The following AP3B1 variants were observed in gnomAD, a reference collection of about 807,000 sequenced individuals.
The protein encoded by AP3B1 is AP-3 complex subunit beta-1.
In AP3B1, 61 loss-of-function variants were observed where a neutral mutation model predicts 132.5. The ratio of observed to expected loss-of-function variants is 0.46; its 90% CI spans 0.37 to 0.57. AP3B1 has a LOEUF of 0.57. Ranked by LOEUF, AP3B1 falls within the 20% of genes least tolerant of loss-of-function variation. AP3B1 has a pLI of 0.00. For synonymous variants in AP3B1, 388 were observed against 438.3 expected (o/e 0.89, Z 1.43); for missense variants, 1,120 against 1,289.4 (o/e 0.87, Z 2.01).
chr5:78,038,903 A>G (rs1747922604), intron 23 of AP3B1, 140 bp downstream of exon 23: 1 of 627,814 alleles, frequency 1.6e-6, no homozygotes, highest in African/African-American at 1.8e-5. Flanking sequence ...GAAAAAGCAA[A>G]TATAAACTGA....
At chr5:78,142,097 T>A (rs1383789001) in intron 14 of AP3B1, among the ~76,000 whole-genome samples, 1 of 152,224 alleles carries the variant, frequency 6.6e-6, no homozygotes, top group African/African-American at 2.4e-5. Context: ...TGAATCCCAG[T>A]CTATTATTTG....
At chr5:78,260,951 C>A (rs1748064732) in intron 2 of AP3B1, among the ~76,000 whole-genome samples, 1 of 152,184 alleles carries the variant, frequency 6.6e-6, no homozygotes, top group Non-Finnish European at 1.5e-5. Context: ...GAATTCCATT[C>A]CTTCTTAAAG....
rs368425320 is a variant in AP3B1 at position 78,149,928 on chromosome 5, CTT to C, written c.1473+6328_1473+6329del. Among the ~76,000 whole-genome samples the C allele has an allele frequency of 3.9e-3, 558 of 143,954 alleles. 4 individuals carry two copies. The highest frequency in any genetic ancestry group is 0.013 in the African/African-American group (519 of 39,962). The allele number at this position is 143,954 out of a possible 152,430, so 94.4% of individuals were successfully genotyped here. On this transcript the variant is annotated intron_variant, in intron 14 of 26. Transcript: ENST00000255194. Reference sequence around the variant, plus strand: ...TGCTAAATGACTCCTGTAAGCCATACTTTTTTTTTTTTTTAGCTTTAAGATAA... The same window carrying C: ...TGCTAAATGACTCCTGTAAGCCATACTTTTTTTTTTTTAGCTTTAAGATAA...
chr5:78,187,696 C>T (rs1239191397), intron 7 of AP3B1, among the ~76,000 whole-genome samples: 1 of 152,184 alleles, frequency 6.6e-6, no homozygotes, highest in East Asian at 1.9e-4. Flanking sequence ...TCCCATTAAA[C>T]TACCATTGAC....
At chr5:78,124,446 C>T (rs1435500947) in intron 17 of AP3B1, among the ~76,000 whole-genome samples, 1 of 152,132 alleles carries the variant, frequency 6.6e-6, no homozygotes, top group Non-Finnish European at 1.5e-5. Flanking sequence ...TGATGTAGCT[C>T]ATACCTGTAC....
chr5:78,174,604 C>T (rs1224652479), intron 11 of AP3B1, among the ~76,000 whole-genome samples: 1 of 152,218 alleles, frequency 6.6e-6, no homozygotes, highest in African/African-American at 2.4e-5. Context: ...AGCTTCGTCC[C>T]AGAGGGGCAA....
At chr5:78,279,651 G>A (rs1203055315) in intron 1 of AP3B1, among the ~76,000 whole-genome samples, 2 of 151,728 alleles carry the variant, frequency 1.3e-5, no homozygotes, top group Non-Finnish European at 2.9e-5. Context: ...ACTCATGCCT[G>A]CAATCCCAAG....
intron 20 of AP3B1, among the ~76,000 whole-genome samples, chr5:78,104,891 A>G (rs1265927190): frequency 6.6e-6 from 1 of 152,194 alleles, no homozygotes; most frequent in Admixed American, 6.5e-5. Context: ...ATAACCTGAG[A>G]TAAAAACAAC....
At chr5:78,267,720 G>A (rs1320223756) in intron 1 of AP3B1, 125 bp from the exon 2 acceptor site, 1 of 582,980 alleles carries the variant, frequency 1.7e-6, no homozygotes, top group Non-Finnish European at 2.9e-6. Flanking sequence ...CAGCAAGAAG[G>A]TGGCCATCTG....
chr5:78,043,792 C>T, intron 22 of AP3B1: 1 of 385,326 alleles, frequency 2.6e-6, no homozygotes, highest in South Asian at 2.4e-5. Context: ...GATATCTACA[C>T]TAGCCTGAAG....
intron 7 of AP3B1, among the ~76,000 whole-genome samples, chr5:78,198,639 C>T (rs1745167035): frequency 6.6e-6 from 1 of 152,200 alleles, no homozygotes; most frequent in African/African-American, 2.4e-5. Flanking sequence ...AATATCATCA[C>T]CCTGGGGCTA....
chr5:78,002,812 G>C lies in AP3B1; in HGVS notation c.*90C>G, dbSNP rs1746238963. ...TGTATTCTACCCCCACTGCCAGATG[G>C]AAGGGCTATTATTATAAATGAAAGG... On this transcript the variant is annotated 3_prime_UTR_variant, in exon 27 of 27. Coordinates refer to ENST00000255194, the MANE Select transcript of AP3B1 (RefSeq NM_003664.5). 6.9e-7 allele frequency: 1 copy of C among 1,439,004 alleles called. No homozygotes were observed. The highest frequency in any genetic ancestry group is 1.7e-5 in the Admixed American group (1 of 59,808). 89.1% of individuals were successfully genotyped at this position (1,439,004 alleles called of 1,614,324 possible).
intron 26 of AP3B1, among the ~76,000 whole-genome samples, chr5:78,012,354 C>T (rs1312781923): frequency 3.3e-5 from 5 of 151,524 alleles, no homozygotes; most frequent in South Asian, 2.1e-4. Context: ...TACAAAAGTA[C>T]GTTTTATTAA....
chr5:78,019,997 CAT>C (rs1747024692), intron 25 of AP3B1, among the ~76,000 whole-genome samples: 1 of 151,990 alleles, frequency 6.6e-6, no homozygotes, highest in African/African-American at 2.4e-5. Context: ...TAATTAAACA[CAT>C]AAAATCAGAC....
At chr5:78,038,332 A>G (rs1226576452) in intron 23 of AP3B1, among the ~76,000 whole-genome samples, 4 of 152,244 alleles carry the variant, frequency 2.6e-5, no homozygotes, top group Non-Finnish European at 5.9e-5. Context: ...ATGGAGAGGA[A>G]GATAAGCAGA....
intron 14 of AP3B1, 103 bp downstream of exon 14, chr5:78,156,155 A>T: frequency 1.2e-6 from 1 of 808,950 alleles, no homozygotes; most frequent in Non-Finnish European, 2.1e-6. Flanking sequence ...GAATCCAGAC[A>T]CTTCAGCTCT....
At chr5:78,065,736 G>A (rs1377773214) in intron 22 of AP3B1, among the ~76,000 whole-genome samples, 1 of 152,092 alleles carries the variant, frequency 6.6e-6, no homozygotes, top group African/African-American at 2.4e-5. Flanking sequence ...CCTTCCCCTC[G>A]CTAGCTCTGA....
At chr5:78,281,605 T>A (rs192038679) in intron 1 of AP3B1, among the ~76,000 whole-genome samples, 13 of 152,266 alleles carry the variant, frequency 8.5e-5, no homozygotes, top group African/African-American at 2.2e-4. Context: ...TTTTGCTACA[T>A]GAATGAAAAA....
At chr5:78,072,822 G>A (rs1749598501) in intron 22 of AP3B1, among the ~76,000 whole-genome samples, 1 of 137,092 alleles carries the variant, frequency 7.3e-6, no homozygotes, top group African/African-American at 2.7e-5. Flanking sequence ...CCCAGGTTCA[G>A]GCAATTCTCC....
Sources: allele counts gnomAD v4.1 joint callset (sites outside exome capture counted in the v4.1 genomes callset), GRCh38; gene constraint gnomAD v4.1.1; transcripts MANE v1.5; gene names NCBI Gene and HGNC (gene_info 2026-07-23, HGNC 2026-07-21).